Variants in IL10RB observed in about 807,000 individuals in gnomAD.
IL10RB encodes the protein interleukin-10 receptor subunit beta.
IL10RB carries 30 observed loss-of-function variants against 38.7 expected under a neutral mutation model. That is an observed-to-expected ratio of 0.78 (90% CI 0.58 to 1.05). The LOEUF (loss-of-function observed/expected upper bound fraction) is 1.05. Ranked by LOEUF, IL10RB falls within the 50% of genes least tolerant of loss-of-function variation. IL10RB has a pLI of 0.00. For synonymous variants in IL10RB, 142 were observed against 145.9 expected (o/e 0.97, Z 0.19); for missense variants, 328 against 397.1 (o/e 0.83, Z 1.48).
intron 5 of IL10RB, 111 bp downstream of exon 5, chr21:33,283,352 C>T: frequency 8.9e-7 from 1 of 1,123,856 alleles, no homozygotes; most frequent in Non-Finnish European, 1.3e-6. Context: ...AATCTATCGC[C>T]CTGACATTAT....
chr21:33,299,734 A>C (rs2082981072), downstream of IL10RB, among the ~76,000 whole-genome samples: 1 of 152,158 alleles, frequency 6.6e-6, no homozygotes, highest in African/African-American at 2.4e-5. Flanking sequence ...CTGCAGAGGG[A>C]TTTTTGCATC....
chr21:33,285,366 C>T (rs1426373959), intron 5 of IL10RB, among the ~76,000 whole-genome samples: 1 of 152,212 alleles, frequency 6.6e-6, no homozygotes, highest in Non-Finnish European at 1.5e-5. Flanking sequence ...CATAGGTAAA[C>T]TGAGGCACCG....
chr21:33,296,990 T>G lies in IL10RB; in HGVS notation c.*633T>G. 1 of 172,976 alleles carries G rather than the reference T, an allele frequency of 5.8e-6. No individual in the cohort carries two copies. The highest frequency in any genetic ancestry group is 1.2e-4 in the South Asian group (1 of 8,188). The allele number at this position is 172,976 out of a possible 1,614,324, so 10.7% of individuals were successfully genotyped here. On this transcript the variant is annotated 3_prime_UTR_variant, in exon 7 of 7. Coordinates refer to ENST00000290200, the MANE Select transcript of IL10RB (RefSeq NM_000628.5). Reference sequence around the variant, plus strand: ...AAAAAAAAATTGTGAGAAACAGAAATACTTAAAATGAGGAATAAGAATGGA... The same window carrying G: ...AAAAAAAAATTGTGAGAAACAGAAAGACTTAAAATGAGGAATAAGAATGGA...
At chr21:33,292,598 C>T (rs1040353143) in intron 6 of IL10RB, among the ~76,000 whole-genome samples, 5 of 152,266 alleles carry the variant, frequency 3.3e-5, no homozygotes, top group Middle Eastern at 3.4e-3. Context: ...TCGCGTCCCT[C>T]GTCAGAAGCT....
At chr21:33,308,050 T>C (rs1045052532) in intron 1 of IL10RB, 10 of 152,150 alleles carry the variant, frequency 6.6e-5, no homozygotes, top group African/African-American at 2.2e-4. Context: ...ATGCCCAGAG[T>C]TCAGGTCTTC....
At chr21:33,280,053 T>G in intron 4 of IL10RB, 135 bp downstream of exon 4, 3 of 793,300 alleles carry the variant, frequency 3.8e-6, no homozygotes, top group Non-Finnish European at 6.7e-6. Flanking sequence ...CTGGTATCTC[T>G]GGCTCAAGCT....
chr21:33,288,377 G>GCA (rs1055659572), intron 6 of IL10RB, 116 bp downstream of exon 6: 8 of 719,210 alleles, frequency 1.1e-5, no homozygotes, highest in African/African-American at 1.9e-5. Context: ...ACACACGCGC[G>GCA]CGCGCACACA....
At chr21:33,300,667 T>G (rs1333104286), downstream of IL10RB, among the ~76,000 whole-genome samples, 1 of 152,150 alleles carries the variant, frequency 6.6e-6, no homozygotes, top group East Asian at 1.9e-4. Context: ...TATGTAGAAA[T>G]CTTTAGGAGG....
downstream of IL10RB, among the ~76,000 whole-genome samples, chr21:33,297,816 A>T (rs770194078): frequency 7.6e-5 from 10 of 131,616 alleles, no homozygotes; most frequent in African/African-American, 1.3e-4. Context: ...AGACCCTGTC[A>T]AAAAAAAAGA....
At position 33,288,085 on chromosome 21, in the gene IL10RB, T is replaced by A. The variant is rs1423365281; in HGVS notation, c.647-19T>A. 1 of 1,613,528 alleles carries A rather than the reference T, an allele frequency of 6.2e-7. No homozygotes were observed. The highest frequency in any genetic ancestry group is 1.7e-5 in the Admixed American group (1 of 60,006). ...CCCGACCTGTGACAAGAATGTAACA[T>A]GCCCATTACCCCTGGCAGAAACGGT... is the stretch of plus-strand genomic sequence containing the variant. On this transcript the variant is annotated intron_variant, in intron 5 of 6. Transcript: ENST00000290200.
intron 4 of IL10RB, among the ~76,000 whole-genome samples, chr21:33,280,986 T>C (rs1206605156): frequency 6.6e-6 from 1 of 152,234 alleles, no homozygotes; most frequent in Non-Finnish European, 1.5e-5. Context: ...GAAATTTATT[T>C]CTCACAGTTC....
At chr21:33,278,897 C>T (rs1989229257) in intron 3 of IL10RB, among the ~76,000 whole-genome samples, 1 of 152,198 alleles carries the variant, frequency 6.6e-6, no homozygotes, top group Non-Finnish European at 1.5e-5. Flanking sequence ...GAATACAGGA[C>T]ATAACTCAAA....
intron 1 of IL10RB, among the ~76,000 whole-genome samples, chr21:33,267,518 G>GTTTTTTT (rs757034791): frequency 2.2e-5 from 1 of 45,060 alleles, no homozygotes; most frequent in South Asian, 8.1e-4. Context: ...TTGTTTTTTT[G>GTTTTTTT]TTTTTTTTTG....
At chr21:33,288,722 C>T (rs1989427785) in intron 6 of IL10RB, among the ~76,000 whole-genome samples, 1 of 152,156 alleles carries the variant, frequency 6.6e-6, no homozygotes, top group South Asian at 2.1e-4. Flanking sequence ...GATTGAAATT[C>T]TGGGTAGTGT....
At chr21:33,270,021 T>A (rs1194642016) in intron 2 of IL10RB, among the ~76,000 whole-genome samples, 1 of 152,234 alleles carries the variant, frequency 6.6e-6, no homozygotes, top group Non-Finnish European at 1.5e-5. Context: ...TCATGCCCTT[T>A]GTGCTGTAAT....
At chr21:33,281,905 C>G (rs569178794) in intron 4 of IL10RB, among the ~76,000 whole-genome samples, 142 of 152,206 alleles carry the variant, frequency 9.3e-4, no homozygotes, top group Admixed American at 1.7e-3. Context: ...AGAAGTTGCC[C>G]AGACGTGAAA....
rs1370038916 is a variant in IL10RB at position 33,285,426 on chromosome 21, A to G, written c.646+2185A>G. Among the ~76,000 whole-genome samples, 4 of 152,214 alleles carry G rather than the reference A, an allele frequency of 2.6e-5. No individual in the cohort carries two copies. The East Asian group carries it at 7.7e-4, about 29-fold the overall frequency. ...GAGTAGTCTGCCTCATGGTGTGGTC[A>G]GATGAATCTGAAACAAGTTAGAGAA... is the stretch of plus-strand genomic sequence containing the variant. On this transcript the variant is annotated intron_variant, in intron 5 of 6. Coordinates refer to ENST00000290200, the MANE Select transcript of IL10RB (RefSeq NM_000628.5).
intron 6 of IL10RB, among the ~76,000 whole-genome samples, chr21:33,291,911 C>T (rs895334393): frequency 5.3e-5 from 8 of 152,282 alleles, no homozygotes; most frequent in East Asian, 3.9e-4. Context: ...CAGGCCCACG[C>T]GCAGCCTCCA....
At chr21:33,296,147 GA>G (rs759133955) in intron 6 of IL10RB, 36 bp from the exon 7 acceptor site, 1 of 1,558,386 alleles carries the variant, frequency 6.4e-7, no homozygotes, top group Non-Finnish European at 8.9e-7. Flanking sequence ...AAGAAATGGA[GA>G]AAATTGATCA....
Sources: allele counts gnomAD v4.1 joint callset (sites outside exome capture counted in the v4.1 genomes callset), GRCh38; gene constraint gnomAD v4.1.1; transcripts MANE v1.5; gene names NCBI Gene and HGNC (gene_info 2026-07-23, HGNC 2026-07-21).